The following C12orf54 variants were observed in gnomAD, a reference collection of about 807,000 sequenced individuals.
C12orf54 encodes the protein uncharacterized protein C12orf54.
A neutral mutation model predicts 26.4 loss-of-function variants in C12orf54; 24 were observed. The ratio of observed to expected loss-of-function variants is 0.91; its 90% confidence interval spans 0.66 to 1.28. C12orf54 has a LOEUF of 1.28. Among genes scored for constraint, C12orf54 ranks in the 50% most tolerant of loss-of-function variants. C12orf54 has a pLI of 0.00. For missense variants in C12orf54, 154 were observed against 150.9 expected (o/e 1.02, Z -0.11); for synonymous variants, 54 against 47.0 (o/e 1.15, Z -0.61).
At chr12:48,488,133 T>G in intron 4 of C12orf54, 1 of 790,776 alleles carries the variant, frequency 1.3e-6, no homozygotes, top group East Asian at 2.4e-5. Context: ...ACAGTTTGCC[T>G]GGAGACATTT....
the C12orf54 span, among the ~76,000 whole-genome samples, chr12:48,417,791 G>T: frequency 6.6e-6 from 1 of 152,032 alleles, no homozygotes; most frequent in Non-Finnish European, 1.5e-5. Context: ...ATATCCATGA[G>T]TACCCAGTGT....
chr12:48,453,342 T>TG, the C12orf54 span, among the ~76,000 whole-genome samples: 1 of 150,454 alleles, frequency 6.6e-6, no homozygotes, highest in Non-Finnish European at 1.5e-5. Flanking sequence ...TGTTGGAGGG[T>TG]GGGGGATGGG....
At chr12:48,437,792 T>C in the C12orf54 span, among the ~76,000 whole-genome samples, 8 of 150,680 alleles carry the variant, frequency 5.3e-5, no homozygotes, top group South Asian at 2.1e-4. Context: ...CCACAGCCAA[T>C]ATCATACTGA....
chr12:48,488,801 G>A, intron 4 of C12orf54, 123 bp from the exon 5 acceptor site: 2 of 783,954 alleles, frequency 2.6e-6, no homozygotes, highest in South Asian at 1.6e-5. Context: ...ACAGTCTCTT[G>A]GCATTCACAT....
chr12:48,423,518 A>G, the C12orf54 span, among the ~76,000 whole-genome samples: 2 of 152,080 alleles, frequency 1.3e-5, no homozygotes, highest in East Asian at 1.9e-4. Context: ...TAGTGGTCAT[A>G]GAAATAAAAA....
At chr12:48,418,787 A>G in the C12orf54 span, among the ~76,000 whole-genome samples, 1 of 152,174 alleles carries the variant, frequency 6.6e-6, no homozygotes, top group Admixed American at 6.5e-5. Flanking sequence ...TTCCTCTTTT[A>G]GAAAATAAGC....
the C12orf54 span, among the ~76,000 whole-genome samples, chr12:48,477,148 T>C: frequency 6.6e-6 from 1 of 152,158 alleles, no homozygotes; most frequent in Non-Finnish European, 1.5e-5. Context: ...GAGTGACTAC[T>C]GGGTAAATAA....
At chr12:48,480,816 T>A (rs1954190932), upstream of C12orf54, among the ~76,000 whole-genome samples, 1 of 152,088 alleles carries the variant, frequency 6.6e-6, no homozygotes, top group Admixed American at 6.5e-5. Flanking sequence ...CAGGTGCCCA[T>A]CAATCATGGA....
the C12orf54 span, among the ~76,000 whole-genome samples, chr12:48,451,676 T>C: frequency 1.3e-5 from 2 of 152,096 alleles, no homozygotes; most frequent in Admixed American, 6.5e-5. Context: ...CAAAAATCAC[T>C]AGCATTCCTA....
the C12orf54 span, among the ~76,000 whole-genome samples, chr12:48,419,135 G>T: frequency 6.6e-6 from 1 of 152,154 alleles, no homozygotes; most frequent in Non-Finnish European, 1.5e-5. Context: ...TTCTAGACTG[G>T]CAAGTGCCAG....
the C12orf54 span, among the ~76,000 whole-genome samples, chr12:48,419,136 C>A: frequency 3.9e-5 from 6 of 152,308 alleles, no homozygotes; most frequent in Non-Finnish European, 8.8e-5. Context: ...TCTAGACTGG[C>A]AAGTGCCAGA....
At chr12:48,467,862 TAAC>T in the C12orf54 span, among the ~76,000 whole-genome samples, 1 of 152,152 alleles carries the variant, frequency 6.6e-6, no homozygotes, top group Non-Finnish European at 1.5e-5. Context: ...GGGGGCCATG[TAAC>T]AACTTAGCTA....
At chr12:48,439,147 A>G in the C12orf54 span, among the ~76,000 whole-genome samples, 1 of 152,252 alleles carries the variant, frequency 6.6e-6, no homozygotes, top group Non-Finnish European at 1.5e-5. Context: ...ACATGAAAAA[A>G]TGCTCATCAT....
the C12orf54 span, among the ~76,000 whole-genome samples, chr12:48,418,995 A>G: frequency 5.9e-5 from 9 of 152,022 alleles, no homozygotes; most frequent in African/African-American, 1.7e-4. Flanking sequence ...ATAGGTGGAC[A>G]GAACTAGAGA....
intron 8 of C12orf54, chr12:48,495,684 C>A (rs1238286222): frequency 6.6e-6 from 1 of 152,572 alleles, no homozygotes; most frequent in Non-Finnish European, 1.5e-5. Flanking sequence ...AAGAAACAAT[C>A]TGAGTTATAG....
At chr12:48,416,453 G>T in the C12orf54 span, among the ~76,000 whole-genome samples, 1 of 151,688 alleles carries the variant, frequency 6.6e-6, no homozygotes, top group South Asian at 2.1e-4. Flanking sequence ...AGGATGGTGG[G>T]CTTCTTTGGT....
the C12orf54 span, among the ~76,000 whole-genome samples, chr12:48,416,815 T>C: frequency 2.0e-5 from 3 of 152,022 alleles, no homozygotes; most frequent in African/African-American, 7.2e-5. Context: ...TGGGCCTAGA[T>C]TGTGCCACTG....
the C12orf54 span, among the ~76,000 whole-genome samples, chr12:48,425,018 A>G: frequency 2.4e-3 from 359 of 152,248 alleles, 1 homozygote; most frequent in African/African-American, 8.4e-3. Flanking sequence ...CAAATTGTAA[A>G]TGAAAATTGG....
the C12orf54 span, among the ~76,000 whole-genome samples, chr12:48,436,380 T>A: frequency 0.32 from 48,103 of 151,838 alleles, 8,192 homozygotes; most frequent in African/African-American, 0.38. Flanking sequence ...GATATCCAGG[T>A]ATTGAACTCT....
Sources: gnomAD v4.1 joint callset for allele counts (sites outside exome capture counted in the v4.1 genomes callset) on GRCh38, gnomAD v4.1.1 for gene constraint, MANE v1.5 for transcripts, NCBI Gene and HGNC (gene_info 2026-07-23, HGNC 2026-07-21) for gene names.